PARP2: variants seen among roughly 807,000 people sequenced by gnomAD.
PARP2 encodes poly [ADP-ribose] polymerase 2.
A neutral mutation model predicts 77.8 loss-of-function variants in PARP2; 57 were observed. The observed-to-expected ratio is 0.73, with a 90% CI of 0.59 to 0.91. The LOEUF is 0.91. Among genes scored for constraint, PARP2 ranks in the 40% least tolerant of loss-of-function variants. The pLI is 0.00. For missense variants in PARP2, 651 were observed against 689.0 expected, an observed-to-expected ratio of 0.94 and a Z score of 0.62; for synonymous variants, 226 against 242.6, an observed-to-expected ratio of 0.93 and a Z score of 0.64.
chr14:20,356,796 T>G (rs1204199252), intron 13 of PARP2, 107 bp downstream of exon 13: 5 of 880,914 alleles, frequency 5.7e-6, no homozygotes, highest in South Asian at 1.4e-5. Context: ...CCCCAAGAGT[T>G]AAGCCAGCTC....
Position 20,357,432 on chromosome 14 carries a change from A to C in PARP2, c.1465A>C (p.Asn489His), listed in dbSNP as rs1389417811. ...TCAGTGTAATGAACTACTAGAGGCC[A>C]ATCCTAAGGCCGAAGGATTGCTTCA... ...LGQCNELLEA[N>H]PKAEGLLQGK... Residue 489 changes from asparagine to histidine, a missense_variant, in exon 15 of 16, where the codon AAT becomes CAT. Physicochemically the swap from Asn to His is moderately conservative, Grantham distance 68 (BLOSUM62 1). Coordinates refer to ENST00000429687, the MANE Select transcript of PARP2 (RefSeq NM_001042618.2). 1 of 1,613,532 alleles carries C rather than the reference A, an allele frequency of 6.2e-7. No homozygotes were observed. The highest frequency in any genetic ancestry group is 1.3e-5 in the African/African-American group (1 of 74,890).
chr14:20,355,846 A>G (rs1594303472), intron 10 of PARP2, 31 bp downstream of exon 10: 3 of 1,613,034 alleles, frequency 1.9e-6, no homozygotes, highest in Middle Eastern at 3.3e-4. Flanking sequence ...GAAGTATTAT[A>G]TCCCTTATAC....
chr14:20,356,602 G>T lies in PARP2; in HGVS notation c.1242G>T (p.Trp414Cys). Residue 414 changes from tryptophan (W) to cysteine (C), a missense_variant, in exon 13 of 16, where the codon TGG becomes TGT. Transcript: ENST00000429687. ...REDLHNRMLL[W>C]HGSRMSNWVG... ...GGCTTTTCCTTAGGATGCTTCTATG[G>T]CATGGTTCCAGGATGAGTAACTGGG... 1 of 1,613,932 alleles carries T rather than the reference G, an allele frequency of 6.2e-7. No individual in the cohort carries two copies. Among genetic ancestry groups the T allele is most frequent in the Non-Finnish European group, 8.5e-7 (1 of 1,179,790 alleles).
At chr14:20,356,806 C>A in intron 13 of PARP2, 117 bp downstream of exon 13, 1 of 807,022 alleles carries the variant, frequency 1.2e-6, no homozygotes, top group Non-Finnish European at 2.1e-6. Context: ...TAAGCCAGCT[C>A]ACTGATAACC....
chr14:20,351,832 A>G (rs1883965962), intron 6 of PARP2, among the ~76,000 whole-genome samples: 1 of 151,892 alleles, frequency 6.6e-6, no homozygotes. Flanking sequence ...TGGGCAACAA[A>G]GCGAGACCCC....
At position 20,345,067 on chromosome 14, in the gene PARP2, G is replaced by A; in HGVS notation, c.182G>A (p.Arg61Lys). The A allele has an allele frequency of 6.2e-7, 1 of 1,614,112 alleles. No homozygotes were observed. The highest frequency in any genetic ancestry group is 8.5e-7 in the Non-Finnish European group (1 of 1,179,986). The change falls in exon 2 of 16, where the codon AGG (arginine) becomes AAG (lysine). Residue 61 changes from arginine to lysine, a missense_variant. Arg to Lys is a conservative substitution (Grantham distance 26). Coordinates refer to ENST00000429687, the MANE Select transcript of PARP2 (RefSeq NM_001042618.2). ...GCTGGAGGAAAAGCTAATAAGGACA[G>A]GACAGAAGACAAGCAAGATGGTATG... ...PVAGGKANKD[R>K]TEDKQDESVK...
intron 4 of PARP2, among the ~76,000 whole-genome samples, chr14:20,348,787 A>T (rs1440980128): frequency 1.3e-5 from 2 of 152,142 alleles, no homozygotes; most frequent in Non-Finnish European, 2.9e-5. Flanking sequence ...TGGGAGGCTG[A>T]GGCGGGCGGA....
At chr14:20,347,703 G>A (rs1883819798) in intron 4 of PARP2, among the ~76,000 whole-genome samples, 2 of 151,314 alleles carry the variant, frequency 1.3e-5, no homozygotes, top group South Asian at 2.1e-4. Flanking sequence ...GAGCCACTGC[G>A]CCCGGCAAGT....
In PARP2 at chr14:20,356,803, G is replaced by A. The variant is rs1884170880; in HGVS notation, c.1329+114G>A. The A allele has an allele frequency of 3.6e-6, 3 of 831,346 alleles. No individual in the cohort carries two copies. The African/African-American group carries it at 5.0e-5, about 14-fold the overall frequency. The allele number at this position is 831,346 out of a possible 1,614,324, so 51.5% of individuals were successfully genotyped here. ...GTTCCCCTCCCCAAGAGTTAAGCCA[G>A]CTCACTGATAACCTTGTCATCTCTT... On this transcript the variant is annotated intron_variant, in intron 13 of 15. Coordinates refer to ENST00000429687, the MANE Select transcript of PARP2 (RefSeq NM_001042618.2).
chr14:20,357,250 T>C, intron 14 of PARP2, 101 bp downstream of exon 14: 2 of 1,321,526 alleles, frequency 1.5e-6, no homozygotes, highest in Non-Finnish European at 2.2e-6. Context: ...CTGGGATAGC[T>C]TGAGAGAGGA....
chr14:20,347,354 GTGTATATATATATA>G (rs1883772618), intron 4 of PARP2, among the ~76,000 whole-genome samples: 3 of 43,952 alleles, frequency 6.8e-5, no homozygotes, highest in African/African-American at 5.3e-4. Context: ...ATATGTGTGT[GTGTATATATATATA>G]TATATATATA....
At chr14:20,354,337 C>A in intron 8 of PARP2, 90 bp downstream of exon 8, 1 of 1,071,132 alleles carries the variant, frequency 9.3e-7, no homozygotes, top group Admixed American at 2.1e-5. Context: ...TTAAAGCTTG[C>A]TCATAGTACT....
Position 20,349,027 on chromosome 14 carries a change from AAAAAG to A in PARP2, c.325-1491_325-1487del, listed in dbSNP as rs754034337. Among the ~76,000 whole-genome samples, 11 of 152,176 alleles carry A rather than the reference AAAAAG, an allele frequency of 7.2e-5. No homozygotes were observed. The East Asian group carries it at 1.2e-3, about 16-fold the overall frequency. On this transcript the variant is annotated intron_variant, in intron 4 of 15. Transcript: ENST00000429687. ...AAGAGCAAAACTCCTTCTCAAAAAA[AAAAAG>A]AAAAGAAGGAAAATACCTTAAGGCA...
chr14:20,346,657 TA>T (rs144654167), intron 3 of PARP2: 87 of 497,478 alleles, frequency 1.7e-4, no homozygotes, highest in South Asian at 2.4e-4. Context: ...TTTGTATAGT[TA>T]AAAAAAAGGA....
intron 7 of PARP2, 81 bp from the exon 8 acceptor site, chr14:20,354,004 C>T (rs1253457176): frequency 3.0e-5 from 33 of 1,116,412 alleles, no homozygotes; most frequent in Non-Finnish European, 4.1e-5. Context: ...AAAGCATTTA[C>T]ATTGTATAAT....
At chr14:20,353,082 G>T (rs1023455687) in intron 7 of PARP2, 1 of 151,684 alleles carries the variant, frequency 6.6e-6, no homozygotes, top group Non-Finnish European at 1.5e-5. Flanking sequence ...GTTTCATCAT[G>T]TTGGCCAGTC....
chr14:20,345,481 C>T lies in PARP2; in HGVS notation c.273+17C>T. On this transcript the variant is annotated intron_variant, in intron 3 of 15. Transcript: ENST00000429687. ...GTGGGGAAGGTAAGAGACTCTGGAA[C>T]CGATCTTCAGTCCATGGATATCTCA... 1.9e-6 allele frequency: 3 copies of T among 1,592,294 alleles called. No individual in the cohort carries two copies. Among genetic ancestry groups the T allele is most frequent in the Non-Finnish European group, 2.6e-6 (3 of 1,160,346 alleles).
At chr14:20,350,809 T>G (rs986915271) in intron 5 of PARP2, 187 bp downstream of exon 5, 1 of 606,230 alleles carries the variant, frequency 1.6e-6, no homozygotes, top group African/African-American at 1.9e-5. Flanking sequence ...GAGTTCCCAC[T>G]GGAAAAACTA....
chr14:20,355,637 A>G (rs923474715), intron 9 of PARP2, 115 bp from the exon 10 acceptor site: 53 of 698,208 alleles, frequency 7.6e-5, no homozygotes, highest in Middle Eastern at 3.5e-4. Flanking sequence ...TCAAATGGAA[A>G]ACCTGTTTCT....
Sources: gnomAD v4.1 joint callset for allele counts (sites outside exome capture counted in the v4.1 genomes callset) on GRCh38, gnomAD v4.1.1 for gene constraint, MANE v1.5 for transcripts, NCBI Gene and HGNC (gene_info 2026-07-23, HGNC 2026-07-21) for gene names.